IGSF5: variants seen among roughly 807,000 people sequenced by gnomAD.
IGSF5 encodes the protein immunoglobulin superfamily 5 like.
Under a neutral mutation model 39.4 loss-of-function variants are expected in IGSF5, and 41 were observed. The ratio of observed to expected loss-of-function variants is 1.04; its 90% CI spans 0.81 to 1.35. The LOEUF is 1.35. Ranked by LOEUF, IGSF5 falls within the 40% of genes most tolerant of loss-of-function variation. IGSF5 has a pLI of 0.00. For synonymous variants in IGSF5, 183 were observed against 175.3 expected, an observed-to-expected ratio of 1.04 and a Z score of -0.34; for missense variants, 487 against 494.6, an observed-to-expected ratio of 0.98 and a Z score of 0.15.
upstream of IGSF5, among the ~76,000 whole-genome samples, chr21:39,741,415 T>A (rs1050754476): frequency 1.3e-5 from 2 of 152,206 alleles, no homozygotes; most frequent in Non-Finnish European, 2.9e-5. Context: ...AGGGCCCTGG[T>A]GACTTTGGAT....
chr21:39,765,087 T>C (rs2146279353), intron 2 of IGSF5, among the ~76,000 whole-genome samples: 1 of 152,310 alleles, frequency 6.6e-6, no homozygotes, highest in Admixed American at 6.5e-5. Context: ...TCTGCATCCG[T>C]CCTCACATGA....
chr21:39,734,233 G>A, the IGSF5 span, among the ~76,000 whole-genome samples: 959 of 152,172 alleles, frequency 6.3e-3, 9 homozygotes, highest in African/African-American at 0.022. Context: ...GACCAGCCTG[G>A]CCAATATGGT....
At chr21:39,786,265 AAAAC>A (rs2086918777) in intron 5 of IGSF5, among the ~76,000 whole-genome samples, 4 of 152,222 alleles carry the variant, frequency 2.6e-5, no homozygotes, top group South Asian at 4.2e-4. Flanking sequence ...TTACAAGAAA[AAAAC>A]AAACAACCCT....
Position 39,779,249 on chromosome 21 carries a change from G to A in IGSF5, c.878G>A (p.Arg293His), listed in dbSNP as rs150645419. The A allele has an allele frequency of 2.7e-5, 44 of 1,613,652 alleles. No individual in the cohort carries two copies. Among genetic ancestry groups the A allele is most frequent in the Middle Eastern group, 1.7e-4 (1 of 6,042 alleles). Residue 293 changes from arginine (R) to histidine (H), a missense_variant, in exon 5 of 9, where the codon CGT becomes CAT. By Grantham distance (29) the Arg-to-His change is conservative. Transcript: ENST00000380588. ...ATACGCTGCTGCTGCTGCCGCCGTCGTTGTTGTGGCTGCAACTGCTGCTGC... is the reference window on the plus strand; with the variant it reads ...ATACGCTGCTGCTGCTGCCGCCGTCATTGTTGTGGCTGCAACTGCTGCTGC... ...LTIRCCCCRR[R>H]CCGCNCCCRC...
intron 5 of IGSF5, among the ~76,000 whole-genome samples, chr21:39,785,959 A>G (rs2086916678): frequency 6.6e-6 from 1 of 152,208 alleles, no homozygotes; most frequent in South Asian, 2.1e-4. Flanking sequence ...AATCAATTCA[A>G]GATGGATTAA....
intron 2 of IGSF5, among the ~76,000 whole-genome samples, chr21:39,763,808 T>G (rs2080072563): frequency 6.6e-6 from 1 of 152,192 alleles, no homozygotes; most frequent in African/African-American, 2.4e-5. Context: ...CTCTTCTTCT[T>G]AACAAGCAAT....
At chr21:39,779,767 A>C (rs886120436) in intron 5 of IGSF5, among the ~76,000 whole-genome samples, 12 of 152,196 alleles carry the variant, frequency 7.9e-5, no homozygotes, top group African/African-American at 2.7e-4. Flanking sequence ...GAGAGACCTA[A>C]AGGATATTAT....
chr21:39,733,338 GTTAAA>G, the IGSF5 span, among the ~76,000 whole-genome samples: 1 of 151,966 alleles, frequency 6.6e-6, no homozygotes, highest in East Asian at 1.9e-4. Flanking sequence ...ATAATGTAGT[GTTAAA>G]TTAAAAAGGA....
the IGSF5 span, chr21:39,728,997 A>G: frequency 3.9e-5 from 6 of 152,322 alleles, no homozygotes; most frequent in Admixed American, 3.3e-4. Context: ...TCTTTGCCCA[A>G]TAATTTACTT....
intron 5 of IGSF5, among the ~76,000 whole-genome samples, chr21:39,781,389 GCATTTAGGT>G (rs2080169741): frequency 6.6e-6 from 1 of 152,064 alleles, no homozygotes; most frequent in South Asian, 2.1e-4. Flanking sequence ...CAATATATAA[GCATTTAGGT>G]CATTTCTGGT....
rs1280043653 is a variant in IGSF5 at position 39,765,775 on chromosome 21, A to T, written c.341A>T (p.Glu114Val). ...FTSEMIIHNV[E>V]PSDSGNIRCS... Reference sequence around the variant, plus strand: ...TCGGAGATGATCATCCACAATGTGGAGCCCAGTGATTCGGGGAACATCAGA... The same window carrying T: ...TCGGAGATGATCATCCACAATGTGGTGCCCAGTGATTCGGGGAACATCAGA... The change falls in exon 3 of 9, where the codon GAG (glutamate) becomes GTG (valine). Residue 114 changes from glutamate (E) to valine (V), a missense_variant. Transcript: ENST00000380588. 1 of 1,614,098 alleles carries T rather than the reference A, an allele frequency of 6.2e-7. No homozygotes were observed. Among genetic ancestry groups the T allele is most frequent in the African/African-American group, 1.3e-5 (1 of 75,040 alleles).
chr21:39,797,218 C>T (rs1177574110), intron 8 of IGSF5, among the ~76,000 whole-genome samples: 8 of 123,772 alleles, frequency 6.5e-5, no homozygotes, highest in African/African-American at 1.2e-4. Context: ...AGCTCCTTTG[C>T]TTTTTTTTTT....
Position 39,765,612 on chromosome 21 carries a change from T to A in IGSF5, c.178T>A (p.Cys60Ser). The A allele has an allele frequency of 6.2e-7, 1 of 1,614,090 alleles. No individual in the cohort carries two copies. Among genetic ancestry groups the A allele is most frequent in the Admixed American group, 1.7e-5 (1 of 60,022 alleles). Residue 60 changes from cysteine to serine, a missense_variant, in exon 3 of 9, where the codon TGC becomes AGC. Cys to Ser is a moderately radical substitution (Grantham distance 112). Transcript: ENST00000380588. Reference sequence around the variant, plus strand: ...GAAGGGCTCCCAGGCTCGCTTCAACTGCACCGTCTCCCAGGGCTGGAAGCT... The same window carrying A: ...GAAGGGCTCCCAGGCTCGCTTCAACAGCACCGTCTCCCAGGGCTGGAAGCT... ...VLKGSQARFN[C>S]TVSQGWKLIM...
the IGSF5 span, among the ~76,000 whole-genome samples, chr21:39,720,306 G>A: frequency 8.5e-5 from 13 of 152,162 alleles, no homozygotes; most frequent in Non-Finnish European, 1.8e-4. Flanking sequence ...GAGCAATGTG[G>A]AGTGGCTATA....
chr21:39,780,845 G>C (rs958052406), intron 5 of IGSF5, among the ~76,000 whole-genome samples: 1 of 152,208 alleles, frequency 6.6e-6, no homozygotes, highest in African/African-American at 2.4e-5. Flanking sequence ...TGTGCTGAAT[G>C]TGTGTTTGTC....
the IGSF5 span, among the ~76,000 whole-genome samples, chr21:39,734,614 T>C: frequency 6.6e-6 from 1 of 152,098 alleles, no homozygotes; most frequent in African/African-American, 2.4e-5. Flanking sequence ...GCAATTGCAT[T>C]TTTCAGAACT....
intron 6 of IGSF5, among the ~76,000 whole-genome samples, chr21:39,789,797 T>C (rs1339515631): frequency 2.0e-5 from 3 of 152,204 alleles, no homozygotes; most frequent in Non-Finnish European, 1.5e-5. Flanking sequence ...CCCATAGATA[T>C]GCACACAAAG....
At chr21:39,796,937 T>C (rs1300902440) in intron 8 of IGSF5, among the ~76,000 whole-genome samples, 1 of 152,212 alleles carries the variant, frequency 6.6e-6, no homozygotes, top group Non-Finnish European at 1.5e-5. Flanking sequence ...AGGATAGTTT[T>C]GGTTTTGTGA....
intron 4 of IGSF5, among the ~76,000 whole-genome samples, chr21:39,776,275 A>G (rs2080140296): frequency 1.3e-5 from 2 of 152,042 alleles, no homozygotes; most frequent in Non-Finnish European, 2.9e-5. Flanking sequence ...CTATCTTTGT[A>G]GCCCCAGCAC....
Sources: gnomAD v4.1 joint callset for allele counts (sites outside exome capture counted in the v4.1 genomes callset) on GRCh38, gnomAD v4.1.1 for gene constraint, MANE v1.5 for transcripts, NCBI Gene and HGNC (gene_info 2026-07-23, HGNC 2026-07-21) for gene names.